Variants in CACNB2 observed in about 807,000 individuals in gnomAD.
The protein encoded by CACNB2 is calcium voltage-gated channel auxiliary subunit beta 2.
Under a neutral mutation model 73.3 loss-of-function variants are expected in CACNB2, and 42 were observed. The observed-to-expected ratio is 0.57, with a 90% CI of 0.45 to 0.74. The LOEUF is 0.74. Among genes scored for constraint, CACNB2 ranks in the 30% least tolerant of loss-of-function variants. CACNB2 has a pLI of 0.00. For missense variants in CACNB2, 940 were observed against 853.0 expected, an observed-to-expected ratio of 1.10 and a Z score of -1.27; for synonymous variants, 348 against 310.3, an observed-to-expected ratio of 1.12 and a Z score of -1.28.
intron 2 of CACNB2, among the ~76,000 whole-genome samples, chr10:18,318,602 A>T (rs998168266): frequency 1.3e-5 from 2 of 152,216 alleles, no homozygotes; most frequent in African/African-American, 4.8e-5. Flanking sequence ...AAACTGACAA[A>T]TGGGATCTAA....
chr10:18,222,366 T>C (rs939376316), intron 2 of CACNB2, among the ~76,000 whole-genome samples: 1 of 151,684 alleles, frequency 6.6e-6, no homozygotes, highest in African/African-American at 2.4e-5. Flanking sequence ...TAGACCTTAT[T>C]TGGATCCTGA....
intron 3 of CACNB2, among the ~76,000 whole-genome samples, chr10:18,428,109 T>A (rs1333665940): frequency 3.9e-5 from 6 of 152,132 alleles, no homozygotes. Flanking sequence ...GGATGGTGAG[T>A]TATCTATAAG....
intron 3 of CACNB2, among the ~76,000 whole-genome samples, chr10:18,497,220 A>G (rs1322416246): frequency 3.3e-5 from 5 of 151,470 alleles, no homozygotes; most frequent in African/African-American, 4.8e-5. Context: ...AAAAAAAAAA[A>G]AAAAGAAAAG....
chr10:18,389,047 T>A (rs2043352671), intron 2 of CACNB2, among the ~76,000 whole-genome samples: 1 of 152,214 alleles, frequency 6.6e-6, no homozygotes, highest in East Asian at 1.9e-4. Flanking sequence ...AAGGGCCTTT[T>A]ATTCACAAAC....
At chr10:18,184,420 TAGACTC>T (rs1372172361) in intron 2 of CACNB2, among the ~76,000 whole-genome samples, 1 of 152,230 alleles carries the variant, frequency 6.6e-6, no homozygotes, top group Non-Finnish European at 1.5e-5. Context: ...TCATAAGCCC[TAGACTC>T]AGTTTCCCCT....
chr10:18,504,189 G>A (rs1481303895), intron 5 of CACNB2, among the ~76,000 whole-genome samples: 1 of 152,310 alleles, frequency 6.6e-6, no homozygotes, highest in Non-Finnish European at 1.5e-5. Flanking sequence ...ACCTGTGGGA[G>A]CAGTGGGTAT....
At chr10:18,167,992 T>C (rs2032972667) in intron 2 of CACNB2, among the ~76,000 whole-genome samples, 1 of 152,190 alleles carries the variant, frequency 6.6e-6, no homozygotes, top group African/African-American at 2.4e-5. Context: ...GTGTGGAAAT[T>C]CTGGTGAAGC....
At chr10:18,328,090 A>C (rs2040654898) in intron 2 of CACNB2, among the ~76,000 whole-genome samples, 1 of 152,208 alleles carries the variant, frequency 6.6e-6, no homozygotes, top group African/African-American at 2.4e-5. Flanking sequence ...CAGTGCTCTA[A>C]GAATCTTAGA....
At chr10:18,338,023 A>T (rs139610841) in intron 2 of CACNB2, among the ~76,000 whole-genome samples, 2 of 152,204 alleles carry the variant, frequency 1.3e-5, no homozygotes, top group African/African-American at 4.8e-5. Context: ...TTTTTAAAAC[A>T]TCACACCAAA....
intron 3 of CACNB2, among the ~76,000 whole-genome samples, chr10:18,492,734 A>C (rs189322029): frequency 6.6e-6 from 1 of 152,302 alleles, no homozygotes; most frequent in East Asian, 1.9e-4. Context: ...ATATCACAGA[A>C]AAGCTTCTTG....
intron 3 of CACNB2, among the ~76,000 whole-genome samples, chr10:18,493,754 A>G (rs1364712992): frequency 2.0e-5 from 3 of 152,172 alleles, no homozygotes; most frequent in South Asian, 4.1e-4. Context: ...TCTTGAACCC[A>G]TATGAATGAA....
intron 2 of CACNB2, among the ~76,000 whole-genome samples, chr10:18,369,962 A>G (rs1346207529): frequency 6.6e-6 from 1 of 152,226 alleles, no homozygotes; most frequent in African/African-American, 2.4e-5. Flanking sequence ...AGAAAATAAT[A>G]AGTGAGCCCA....
chr10:18,485,286 T>C (rs576712188), intron 3 of CACNB2, among the ~76,000 whole-genome samples: 23 of 152,332 alleles, frequency 1.5e-4, no homozygotes, highest in Middle Eastern at 3.4e-3. Flanking sequence ...AGAGAAGTTA[T>C]AATCAGACAA....
intron 2 of CACNB2, among the ~76,000 whole-genome samples, chr10:18,170,676 A>G (rs1460073479): frequency 3.3e-5 from 5 of 152,202 alleles, no homozygotes; most frequent in Admixed American, 3.3e-4. Context: ...GGACAAGAAG[A>G]CTAACTAAAT....
chr10:18,263,534 A>G (rs983187941), intron 2 of CACNB2, among the ~76,000 whole-genome samples: 8 of 152,228 alleles, frequency 5.3e-5, no homozygotes, highest in Non-Finnish European at 1.2e-4. Flanking sequence ...ATATAAATCA[A>G]TTGATAAATA....
intron 3 of CACNB2, among the ~76,000 whole-genome samples, chr10:18,419,566 C>T (rs1382905727): frequency 6.6e-6 from 1 of 152,130 alleles, no homozygotes; most frequent in African/African-American, 2.4e-5. Flanking sequence ...TCAGGACCCT[C>T]TTATTCAAAT....
chr10:18,159,009 TTCTC>T (rs546850110), intron 2 of CACNB2, among the ~76,000 whole-genome samples: 38 of 152,230 alleles, frequency 2.5e-4, no homozygotes, highest in Admixed American at 8.5e-4. Flanking sequence ...TGTAGTTCTG[TTCTC>T]TCTCATTCTC....
rs1331348992 is a variant in CACNB2, at chr10:18,402,082, G to T, written c.333+39G>T. 3 of 1,609,548 alleles carry T rather than the reference G, an allele frequency of 1.9e-6. No individual in the cohort carries two copies. In the East Asian group the frequency reaches 6.7e-5, roughly 36 times the overall value. ...CTCCCTGCCAAGATCTTTGCAAGTT[G>T]TGCTGTGCCCCTGATAGACCACCTG... On this transcript the variant is annotated intron_variant, in intron 3 of 13. Coordinates refer to ENST00000324631, the MANE Select transcript of CACNB2 (RefSeq NM_201596.3).
At chr10:18,538,128 G>T (rs1054166004) in intron 12 of CACNB2, 52 bp from the exon 13 acceptor site, 1 of 1,573,548 alleles carries the variant, frequency 6.4e-7, no homozygotes, top group South Asian at 1.1e-5. Flanking sequence ...AGGTGGGAAG[G>T]GGGTGAAAAC....
Sources: allele counts gnomAD v4.1 joint callset (sites outside exome capture counted in the v4.1 genomes callset), GRCh38; gene constraint gnomAD v4.1.1; transcripts MANE v1.5; gene names NCBI Gene and HGNC (gene_info 2026-07-23, HGNC 2026-07-21).